Variants in FGA observed in about 807,000 individuals in gnomAD.
FGA encodes fibrinogen alpha chain, also known as fibrinogen, A alpha polypeptide.
In FGA, 20 loss-of-function variants were observed where a neutral mutation model predicts 20.3. The observed-to-expected ratio is 0.99, with a 90% CI of 0.69 to 1.43. The LOEUF is 1.43. Ranked by LOEUF, FGA falls within the 40% of genes most tolerant of loss-of-function variation. The pLI is 0.00. For synonymous variants in FGA, 306 were observed against 281.6 expected (o/e 1.09, Z -0.87); for missense variants, 777 against 784.7 (o/e 0.99, Z 0.12).
chr4:154,587,695 G>A (rs763181366), intron 3 of FGA, 38 bp from the exon 4 acceptor site: 16 of 1,593,076 alleles, frequency 1.0e-5, no homozygotes, highest in South Asian at 1.1e-5. Context: ...TAGCTGCTGA[G>A]TGATTTGTCT....
At chr4:154,584,497 CG>C (rs753629473), downstream of FGA, 1 of 1,614,120 alleles carries the variant, frequency 6.2e-7, no homozygotes, top group Non-Finnish European at 8.5e-7. Flanking sequence ...AGAGCCTACC[CG>C]GAAGTGATAT....
chr4:154,584,415 G>A (rs780618617), downstream of FGA: 24 of 1,614,096 alleles, frequency 1.5e-5, no homozygotes, highest in South Asian at 4.4e-5. Flanking sequence ...CTTCCTCTAC[G>A]GAACCCTCAA....
chr4:154,585,685 G>C lies in FGA; in HGVS notation c.1744C>G (p.Gln582Glu), dbSNP rs1300821880. 8 of 1,614,138 alleles carry C rather than the reference G, an allele frequency of 5.0e-6. No individual in the cohort carries two copies. The South Asian group carries it at 7.7e-5, about 16-fold the overall frequency. ...SRGKSSSYSK[Q>E]FTSSTSYNRG... ...TTGTAACTCGTGCTACTAGTAAATT[G>C]TTTGCTGTAACTTGAAGATTTACCA... Residue 582 changes from glutamine to glutamate, a missense_variant, in exon 5 of 5, where the codon CAA becomes GAA. Physicochemically the swap from Gln to Glu is conservative, Grantham distance 29 (BLOSUM62 2). Coordinates refer to ENST00000403106, the MANE Select transcript of FGA (RefSeq NM_021871.4).
downstream of FGA, chr4:154,584,655 T>C (rs1231112052): frequency 8.1e-6 from 13 of 1,614,022 alleles, no homozygotes; most frequent in African/African-American, 1.3e-5. Flanking sequence ...TCTTGTAGTC[T>C]TGCCAGGTCC....
Position 154,588,963 on chromosome 4 carries a change from G to T in FGA, c.194C>A (p.Pro65His), listed in dbSNP as rs1427604497. ...CAACCCTTTCATCCTGCAGCCAGAA[G>T]GGCATTTGTAGTTCTGAAAGTGAAG... ...CSDEDWNYKC[P>H]SGCRMKGLID... Residue 65 changes from proline to histidine, a missense_variant, in exon 3 of 5, where the codon CCT (proline) becomes CAT (histidine). Transcript: ENST00000403106. 13 of 1,613,100 alleles carry T rather than the reference G, an allele frequency of 8.1e-6. No individual in the cohort carries two copies. The highest frequency in any genetic ancestry group is 1.1e-5 in the Non-Finnish European group (13 of 1,179,364).
chr4:154,587,369 T>G (rs1333842596), intron 4 of FGA, 143 bp downstream of exon 4: 3 of 805,898 alleles, frequency 3.7e-6, no homozygotes, highest in Admixed American at 2.1e-5. Context: ...AACTGTGGAG[T>G]GAGGAAAATA....
chr4:154,584,752 A>G, downstream of FGA: 1 of 1,614,084 alleles, frequency 6.2e-7, no homozygotes, highest in Non-Finnish European at 8.5e-7. Context: ...AACAGAAAAA[A>G]TCTTACTGGA....
At chr4:154,589,147 G>T (rs978050480) in intron 2 of FGA, among the ~76,000 whole-genome samples, 171 bp from the exon 3 acceptor site, 1 of 152,098 alleles carries the variant, frequency 6.6e-6, no homozygotes, top group Non-Finnish European at 1.5e-5. Context: ...TGGAATGAGG[G>T]TCCACTTAGC....
chr4:154,583,822 T>C, downstream of FGA: 1 of 347,246 alleles, frequency 2.9e-6, no homozygotes, highest in Non-Finnish European at 5.3e-6. Flanking sequence ...AAACCAATAG[T>C]CTTCAAGGTT....
chr4:154,589,587 A>G, intron 1 of FGA, 25 bp from the exon 2 acceptor site: 1 of 1,609,996 alleles, frequency 6.2e-7, no homozygotes, highest in Non-Finnish European at 8.5e-7. Context: ...TCACATACAC[A>G]AAAGAGAGCA....
chr4:154,586,586 T>C lies in FGA; in HGVS notation c.843A>G (p.Ser281=). The C allele has an allele frequency of 6.2e-7, 1 of 1,614,128 alleles. No homozygotes were observed. The highest frequency in any genetic ancestry group is 8.5e-7 in the Non-Finnish European group (1 of 1,180,012). ...RGGSTSYGTG[S]ETESPRNPSS... ...TAGGGTTCCTGGGGCTTTCCGTCTC[T>C]GATCCGGTTCCATAAGAGGTGGAGC... is the stretch of plus-strand genomic sequence containing the variant. Residue 281 remains serine, a synonymous_variant, in exon 5 of 5, where the codon TCA becomes TCG. Transcript: ENST00000403106.
Position 154,585,671 on chromosome 4 carries a change from G to C in FGA, c.1758C>G (p.Ser586Arg), listed in dbSNP as rs776656266. ...SSSYSKQFTSSTSYNRGDSTF... is the reference protein window; with the variant it reads ...SSSYSKQFTSRTSYNRGDSTF... ...TGGAGTCTCCTCTGTTGTAACTCGT[G>C]CTACTAGTAAATTGTTTGCTGTAAC... The change falls in exon 5 of 5, where the codon AGC (serine) becomes AGG (arginine). Residue 586 changes from serine to arginine, a missense_variant. Ser to Arg is a moderately radical substitution (Grantham distance 110). Transcript: ENST00000403106. 2 of 1,614,122 alleles carry C rather than the reference G, an allele frequency of 1.2e-6. No individual in the cohort carries two copies. The highest frequency in any genetic ancestry group is 2.2e-5 in the South Asian group (2 of 91,082).
rs757775109 is a variant in FGA at position 154,586,036 on chromosome 4, C to T, written c.1393G>A (p.Val465Ile). ...TCAGGACCAATAACAGTCTTAGTAA[C>T]GGTTTTAGAGCATGAACGACGCGTG... ...TTTRRSCSKT[V>I]TKTVIGPDGH... is the part of the protein sequence containing the mutation. The change falls in exon 5 of 5, where the codon GTT (valine) becomes ATT (isoleucine). Residue 465 changes from valine to isoleucine, a missense_variant. Coordinates refer to ENST00000403106, the MANE Select transcript of FGA (RefSeq NM_021871.4). 3 of 1,614,158 alleles carry T rather than the reference C, an allele frequency of 1.9e-6. No homozygotes were observed. In the East Asian group the frequency reaches 6.7e-5, roughly 36 times the overall value.
chr4:154,589,387 C>T, intron 2 of FGA, 50 bp downstream of exon 2: 2 of 1,611,320 alleles, frequency 1.2e-6, no homozygotes, highest in Middle Eastern at 1.7e-4. Flanking sequence ...CTGTGAGCCC[C>T]TCTAGCATCA....
rs368845778 is a variant in FGA, at chr4:154,587,665, C to G, written c.365-8G>C. ...TGTAGGTATTATCACGGTCTGAAAT[C>G]GAAAATATGGTTATTGAAGTAGCTG... On this transcript the variant is annotated splice_region_variant and splice_polypyrimidine_tract_variant and intron_variant, in intron 3 of 4. Transcript: ENST00000403106. 1.2e-6 allele frequency: 2 copies of G among 1,610,436 alleles called. No homozygotes were observed. Among genetic ancestry groups the G allele is most frequent in the East Asian group, 2.2e-5 (1 of 44,660 alleles).
Position 154,585,477 on chromosome 4 carries a change from G to C in FGA, c.*17C>G. The stretch of plus-strand genomic sequence containing the variant: ...CAAGGGGCCATGGGAACACTGTGCA[G>C]AAATATTTAACTTAGTCTAGGGGGA... On this transcript the variant is annotated 3_prime_UTR_variant, in exon 5 of 5. Coordinates refer to ENST00000403106, the MANE Select transcript of FGA (RefSeq NM_021871.4). 4.7e-6 allele frequency: 7 copies of C among 1,500,202 alleles called. No homozygotes were observed. Among genetic ancestry groups the C allele is most frequent in the Non-Finnish European group, 6.5e-6 (7 of 1,076,820 alleles). The allele number at this position is 1,500,202 out of a possible 1,614,324, so 92.9% of individuals were successfully genotyped here. A position where few individuals can be genotyped will look rare whatever the true frequency, so the allele number is the denominator to read the frequency against.
chr4:154,584,827 T>A (rs568033755), downstream of FGA: 32 of 1,610,608 alleles, frequency 2.0e-5, 1 homozygote, highest in South Asian at 3.2e-4. Context: ...GAGGACATCA[T>A]CACAGTCTAA....
chr4:154,587,805 G>GAAAGAAAGAAA (rs1560826874), intron 3 of FGA, 148 bp from the exon 4 acceptor site: 1 of 518,220 alleles, frequency 1.9e-6, no homozygotes, highest in Admixed American at 4.4e-5. Context: ...GAAAGAAAGA[G>GAAAGAAAGAAA]AAAAAAGAAA....
chr4:154,588,877 C>T lies in FGA; in HGVS notation c.280G>A (p.Glu94Lys). The change falls in exon 3 of 5, where the codon GAA becomes AAA. Residue 94 changes from glutamate to lysine, a missense_variant. Coordinates refer to ENST00000403106, the MANE Select transcript of FGA (RefSeq NM_021871.4). ...GAATCCTTATTGTTCTTCTGATATT[C>T]AAATAGTGAATTTTTGAGCTTATTT... ...RINKLKNSLF[E>K]YQKNNKDSHS... is the part of the protein sequence containing the mutation. The T allele has an allele frequency of 3.7e-6, 6 of 1,611,544 alleles. No homozygotes were observed. The highest frequency in any genetic ancestry group is 5.1e-6 in the Non-Finnish European group (6 of 1,178,034).
Sources: allele counts gnomAD v4.1 joint callset (sites outside exome capture counted in the v4.1 genomes callset), GRCh38; gene constraint gnomAD v4.1.1; transcripts MANE v1.5; gene names NCBI Gene and HGNC (gene_info 2026-07-23, HGNC 2026-07-21).